Variants in DPP8 observed in about 807,000 individuals in gnomAD.
DPP8 encodes dipeptidyl peptidase 8, also known as DPP VIII.
DPP8 carries 31 observed loss-of-function variants against 107.5 expected under a neutral mutation model. The ratio of observed to expected loss-of-function variants is 0.29; its 90% CI spans 0.22 to 0.39. The LOEUF (loss-of-function observed/expected upper bound fraction) is 0.39. Ranked by LOEUF, DPP8 falls within the 10% of genes least tolerant of loss-of-function variation. The probability of loss-of-function intolerance (pLI) is 1.00; values close to 1 mark genes in which losing one functional copy is unlikely to be tolerated. For missense variants in DPP8, 842 were observed against 1,076.1 expected, an observed-to-expected ratio of 0.78 and a Z score of 3.04; for synonymous variants, 381 against 356.6, an observed-to-expected ratio of 1.07 and a Z score of -0.77.
At chr15:65,476,155 T>G (rs1392377560) in intron 11 of DPP8, among the ~76,000 whole-genome samples, 6 of 152,170 alleles carry the variant, frequency 3.9e-5, no homozygotes, top group East Asian at 1.9e-4. Context: ...TGCTTATATC[T>G]ATTGCTGTGG....
At chr15:65,499,816 T>C (rs2069009699) in intron 4 of DPP8, among the ~76,000 whole-genome samples, 1 of 152,180 alleles carries the variant, frequency 6.6e-6, no homozygotes, top group African/African-American at 2.4e-5. Context: ...TCTGCCCACA[T>C]GGGCCTCCCA....
intron 3 of DPP8, among the ~76,000 whole-genome samples, chr15:65,504,542 C>T (rs11636148): frequency 0.45 from 64,917 of 145,842 alleles, 16,803 homozygotes; most frequent in Non-Finnish European, 0.57. Flanking sequence ...TGGTGGCGCA[C>T]GCTATAGTCC....
In DPP8 at chr15:65,514,570, G is replaced by A. The variant is rs190121127; in HGVS notation, c.-11-2006C>T. On this transcript the variant is annotated intron_variant, in intron 1 of 19. Coordinates refer to ENST00000300141, the MANE Select transcript of DPP8 (RefSeq NM_130434.5). ...GTCACCCAGGGTAGAGTGCAGTGGC[G>A]CGAGATCTCGGCTCACTGCAAACTC... Among the ~76,000 whole-genome samples, 19 of 152,248 alleles carry A rather than the reference G, an allele frequency of 1.2e-4. No homozygotes were observed. In the East Asian group the frequency reaches 1.7e-3, roughly 14 times the overall value.
At chr15:65,506,198 G>C (rs1470090669) in intron 3 of DPP8, among the ~76,000 whole-genome samples, 1 of 151,580 alleles carries the variant, frequency 6.6e-6, no homozygotes, top group Non-Finnish European at 1.5e-5. Context: ...GCGTGGTGGC[G>C]CATGCCTGTA....
At chr15:65,466,518 G>C (rs559679626) in intron 14 of DPP8, among the ~76,000 whole-genome samples, 160 bp downstream of exon 14, 75 of 152,276 alleles carry the variant, frequency 4.9e-4, no homozygotes, top group South Asian at 2.3e-3. Context: ...GTAGCTAACA[G>C]AATAGGAGAA....
chr15:65,502,293 T>C (rs2069331268), intron 3 of DPP8, among the ~76,000 whole-genome samples: 2 of 65,412 alleles, frequency 3.1e-5, no homozygotes, highest in Admixed American at 2.3e-4. Context: ...TTTCAGGATA[T>C]TTGCTAAATG....
At chr15:65,488,939 T>C (rs2067716533) in intron 6 of DPP8, among the ~76,000 whole-genome samples, 1 of 152,146 alleles carries the variant, frequency 6.6e-6, no homozygotes, top group Non-Finnish European at 1.5e-5. Context: ...CACATTTTTA[T>C]AGCAACACAT....
intron 19 of DPP8, chr15:65,450,773 C>A: frequency 2.6e-6 from 1 of 381,776 alleles, no homozygotes; most frequent in Non-Finnish European, 4.6e-6. Flanking sequence ...AAAGCAGATA[C>A]AGACACACAG....
chr15:65,500,560 C>T, intron 4 of DPP8, 46 bp downstream of exon 4: 1 of 1,522,418 alleles, frequency 6.6e-7, no homozygotes, highest in Non-Finnish European at 9.1e-7. Flanking sequence ...GTACAAATAA[C>T]CTTTTGGACC....
intron 11 of DPP8, among the ~76,000 whole-genome samples, chr15:65,477,517 T>C (rs1297907143): frequency 6.6e-6 from 1 of 151,594 alleles, no homozygotes; most frequent in Non-Finnish European, 1.5e-5. Flanking sequence ...TTGTTATGTA[T>C]ACTTTTCCAC....
Position 65,500,700 on chromosome 15 carries a change from G to A in DPP8, c.452C>T (p.Ala151Val). ...ERKRIGTVGIASYDYHQGSGT... is the reference protein window; with the variant it reads ...ERKRIGTVGIVSYDYHQGSGT... The stretch of plus-strand genomic sequence containing the variant: ...ACTTCCTTGGTGATAATCGTAAGAA[G>A]CAATTCCGACTGTTCCAATGCGTTT... The change falls in exon 4 of 20, where the codon GCT becomes GTT. Residue 151 changes from alanine to valine, a missense_variant. Physicochemically the swap from Ala to Val is moderately conservative, Grantham distance 64. This residue lies in a region of DPP8 where 663 missense variants were observed against 758.0 expected (regional missense o/e 0.87). Transcript: ENST00000300141. 1 of 1,613,720 alleles carries A rather than the reference G, an allele frequency of 6.2e-7. No individual in the cohort carries two copies. The highest frequency in any genetic ancestry group is 8.5e-7 in the Non-Finnish European group (1 of 1,179,696).
At chr15:65,513,180 C>A (rs1041824650) in intron 1 of DPP8, among the ~76,000 whole-genome samples, 32 of 152,074 alleles carry the variant, frequency 2.1e-4, no homozygotes, top group African/African-American at 7.7e-4. Context: ...TCTGCTCTTG[C>A]TAGACATCAC....
chr15:65,515,562 A>C (rs1312199476), intron 1 of DPP8: 3 of 1,100,562 alleles, frequency 2.7e-6, no homozygotes, highest in Non-Finnish European at 4.1e-6. Flanking sequence ...AATGTCAAAA[A>C]TAGGAAAATA....
intron 12 of DPP8, among the ~76,000 whole-genome samples, chr15:65,472,811 A>G (rs352470): frequency 0.12 from 18,117 of 152,096 alleles, 1,874 homozygotes; most frequent in African/African-American, 0.29. Context: ...AGGCCGAGAC[A>G]GGTGGATTGC....
chr15:65,465,927 G>C (rs889851238), intron 14 of DPP8, among the ~76,000 whole-genome samples: 10 of 152,112 alleles, frequency 6.6e-5, no homozygotes, highest in African/African-American at 2.4e-4. Flanking sequence ...ATTCCAGAGA[G>C]AGCAAGTGTT....
intron 1 of DPP8, among the ~76,000 whole-genome samples, chr15:65,513,651 A>G (rs925640139): frequency 2.6e-5 from 4 of 152,250 alleles, no homozygotes; most frequent in Non-Finnish European, 4.4e-5. Flanking sequence ...AAAGCATTTA[A>G]TATTTGTACC....
intron 14 of DPP8, among the ~76,000 whole-genome samples, chr15:65,465,607 G>C (rs1333911534): frequency 6.8e-6 from 1 of 146,828 alleles, no homozygotes; most frequent in African/African-American, 2.5e-5. Flanking sequence ...CCAGGCTGGA[G>C]AGCAGTGGCA....
chr15:65,489,266 G>A (rs1162275614), intron 6 of DPP8, among the ~76,000 whole-genome samples: 1 of 151,686 alleles, frequency 6.6e-6, no homozygotes, highest in Non-Finnish European at 1.5e-5. Context: ...GCCAAGGTGT[G>A]GTATTTTTTA....
chr15:65,473,611 G>T (rs2066116769), intron 12 of DPP8, among the ~76,000 whole-genome samples: 1 of 152,114 alleles, frequency 6.6e-6, no homozygotes, highest in Non-Finnish European at 1.5e-5. Flanking sequence ...TGAGACTGCA[G>T]TGAGCCATGA....
Sources: gnomAD v4.1 joint callset for allele counts (sites outside exome capture counted in the v4.1 genomes callset) on GRCh38, gnomAD v4.1.1 for gene constraint, gnomAD v4.1.1 regional missense constraint, MANE v1.5 for transcripts, NCBI Gene and HGNC (gene_info 2026-07-23, HGNC 2026-07-21) for gene names.